Variants in PHACTR1 observed in about 807,000 individuals in gnomAD.
The protein encoded by PHACTR1 is RPEL repeat containing 1.
Under a neutral mutation model 69.2 loss-of-function variants are expected in PHACTR1, and 16 were observed. The observed-to-expected ratio is 0.23, with a 90% CI of 0.16 to 0.35. PHACTR1 has a LOEUF of 0.35. PHACTR1 is among the 10% of genes least tolerant of loss of function. The pLI, the probability that PHACTR1 is intolerant of heterozygous loss-of-function variation, is 1.00. For missense variants in PHACTR1, 510 were observed against 734.7 expected (o/e 0.69, Z 3.54); for synonymous variants, 312 against 284.5 (o/e 1.10, Z -0.97).
At chr6:13,196,311 C>A (rs3916163) in intron 7 of PHACTR1, among the ~76,000 whole-genome samples, 46,600 of 151,974 alleles carry the variant, frequency 0.31, 7,702 homozygotes, top group East Asian at 0.58. Context: ...ATTCTAGGAT[C>A]TTTAGAGGTA....
chr6:13,160,163 A>T (rs755621456), intron 5 of PHACTR1, 41 bp from the exon 6 acceptor site: 63 of 1,549,776 alleles, frequency 4.1e-5, no homozygotes, highest in Non-Finnish European at 5.4e-5. Flanking sequence ...CAACTTTGTT[A>T]CCTACTCACA....
intron 3 of PHACTR1, among the ~76,000 whole-genome samples, chr6:12,747,625 C>A (rs868483): frequency 0.34 from 52,093 of 151,914 alleles, 9,561 homozygotes; most frequent in Non-Finnish European, 0.43. Flanking sequence ...TAAGGTCATG[C>A]CATTGCACTC....
At chr6:12,894,087 T>C (rs1417328389) in intron 4 of PHACTR1, among the ~76,000 whole-genome samples, 1 of 152,228 alleles carries the variant, frequency 6.6e-6, no homozygotes, top group African/African-American at 2.4e-5. Context: ...GTGGCTACTT[T>C]CAATATTGCA....
chr6:12,967,427 C>T lies in PHACTR1; in HGVS notation c.251-85938C>T, dbSNP rs149136940. Among the ~76,000 whole-genome samples, 645 of 152,258 alleles carry T rather than the reference C, an allele frequency of 4.2e-3. 2 individuals are homozygous for T. Among genetic ancestry groups the T allele is most frequent in the African/African-American group, 0.015 (619 of 41,536 alleles). ...TGTAGGTAAGTGGAAAAGAGTTCTC[C>T]TACAAGGGAGTCTCTATTCTTTGAA... On this transcript the variant is annotated intron_variant, in intron 4 of 14. Transcript: ENST00000332995.
chr6:12,824,050 C>T (rs535139513), intron 4 of PHACTR1, among the ~76,000 whole-genome samples: 5 of 152,256 alleles, frequency 3.3e-5, no homozygotes, highest in Admixed American at 1.3e-4. Flanking sequence ...GGCAAGCAGG[C>T]GGAACGTCAT....
At chr6:13,255,961 G>T (rs1032181950) in intron 10 of PHACTR1, among the ~76,000 whole-genome samples, 1 of 152,202 alleles carries the variant, frequency 6.6e-6, no homozygotes. Flanking sequence ...TCTGTGGGGG[G>T]GGCTCCAACC....
chr6:13,133,315 C>T lies in PHACTR1; in HGVS notation c.416-26889C>T, dbSNP rs573580479. 2.9e-3 allele frequency among the ~76,000 whole-genome samples: 425 copies of T among 148,336 alleles called. 6 individuals are homozygous for T. Among genetic ancestry groups the T allele is most frequent in the African/African-American group, 9.9e-3 (397 of 40,096 alleles). ...CCACAGTCTCCCTCTCCCTCTCCCT[C>T]TCTCTCCACGGTCTCCCTCTGATGC... On this transcript the variant is annotated intron_variant, in intron 5 of 14. Coordinates refer to ENST00000332995, the MANE Select transcript of PHACTR1 (RefSeq NM_030948.6).
chr6:12,733,099 A>G (rs1763765191), intron 3 of PHACTR1, among the ~76,000 whole-genome samples: 4 of 152,198 alleles, frequency 2.6e-5, no homozygotes, highest in Admixed American at 2.0e-4. Flanking sequence ...CACAAACACA[A>G]TATTTCTTCT....
intron 7 of PHACTR1, among the ~76,000 whole-genome samples, chr6:13,185,465 G>GTAAAAAAAAAAA (rs1762715892): frequency 7.0e-6 from 1 of 142,202 alleles, no homozygotes. Context: ...TTCTCTTAGG[G>GTAAAAAAAAAAA]AAAAAAAAAA....
intron 10 of PHACTR1, among the ~76,000 whole-genome samples, chr6:13,265,539 G>C (rs76718603): frequency 6.6e-6 from 1 of 152,144 alleles, no homozygotes; most frequent in Non-Finnish European, 1.5e-5. Flanking sequence ...TCACAAAGCC[G>C]TTGTGATTGG....
rs369987480 is a variant in PHACTR1, at chr6:12,779,250, G to A, written c.250+29460G>A. Among the ~76,000 whole-genome samples, 32 of 152,284 alleles carry A rather than the reference G, an allele frequency of 2.1e-4. No individual in the cohort carries two copies. The East Asian group carries it at 2.9e-3, about 14-fold the overall frequency. On this transcript the variant is annotated intron_variant, in intron 4 of 14. Coordinates refer to ENST00000332995, the MANE Select transcript of PHACTR1 (RefSeq NM_030948.6). ...CTTGCAAGGCTGAGGCAGGAGAATC[G>A]CTTGAACCTGGGAGGCAGAGATTGC...
At chr6:12,814,596 G>A (rs187479872) in intron 4 of PHACTR1, among the ~76,000 whole-genome samples, 16 of 152,134 alleles carry the variant, frequency 1.1e-4, no homozygotes, top group Admixed American at 8.5e-4. Flanking sequence ...GTAAAATAAG[G>A]CTTTGACCAC....
intron 5 of PHACTR1, among the ~76,000 whole-genome samples, chr6:13,127,961 T>C (rs1819794554): frequency 6.6e-6 from 1 of 151,812 alleles, no homozygotes; most frequent in Non-Finnish European, 1.5e-5. Flanking sequence ...CTTACAATCA[T>C]GGCGGAAGGG....
intron 4 of PHACTR1, among the ~76,000 whole-genome samples, chr6:12,776,521 A>T (rs1238195030): frequency 6.6e-6 from 1 of 152,174 alleles, no homozygotes. Flanking sequence ...TTCCACAGCC[A>T]TTGTCATTGG....
intron 5 of PHACTR1, among the ~76,000 whole-genome samples, chr6:13,053,832 G>A (rs1444157094): frequency 6.6e-6 from 1 of 152,052 alleles, no homozygotes; most frequent in Admixed American, 6.6e-5. Context: ...TTTCATTCTG[G>A]CGTTGATGAT....
At chr6:12,737,302 T>C (rs1417201516) in intron 3 of PHACTR1, among the ~76,000 whole-genome samples, 2 of 152,086 alleles carry the variant, frequency 1.3e-5, no homozygotes, top group East Asian at 1.9e-4. Flanking sequence ...AACTATAGTA[T>C]AGTTATAGGA....
chr6:13,090,610 A>T (rs536215525), intron 5 of PHACTR1, among the ~76,000 whole-genome samples: 1 of 152,308 alleles, frequency 6.6e-6, no homozygotes, highest in South Asian at 2.1e-4. Context: ...GGCGTGAGCC[A>T]CCATGCCCGG....
chr6:13,268,561 C>G (rs1189545571), intron 10 of PHACTR1, among the ~76,000 whole-genome samples: 1 of 152,200 alleles, frequency 6.6e-6, no homozygotes, highest in African/African-American at 2.4e-5. Flanking sequence ...ACATTATAGG[C>G]ATTAAATCAG....
At chr6:12,888,453 T>C (rs1271023030) in intron 4 of PHACTR1, among the ~76,000 whole-genome samples, 1 of 152,204 alleles carries the variant, frequency 6.6e-6, no homozygotes, top group Non-Finnish European at 1.5e-5. Flanking sequence ...ACATGTATCA[T>C]TTAACAGAAA....
Sources: gnomAD v4.1 joint callset for allele counts (sites outside exome capture counted in the v4.1 genomes callset) on GRCh38, gnomAD v4.1.1 for gene constraint, MANE v1.5 for transcripts, NCBI Gene and HGNC (gene_info 2026-07-23, HGNC 2026-07-21) for gene names.